The following NRG1 variants were observed in gnomAD, a reference collection of about 807,000 sequenced individuals.
The protein encoded by NRG1 is pro-neuregulin-1, membrane-bound isoform.
A neutral mutation model predicts 63.8 loss-of-function variants in NRG1; 18 were observed. The observed-to-expected ratio is 0.28, with a 90% CI of 0.19 to 0.42. NRG1 has a LOEUF of 0.42. NRG1 is among the 10% of genes least tolerant of loss of function. The pLI, the probability that NRG1 is intolerant of heterozygous loss-of-function variation, is 1.00. For missense variants in NRG1, 762 were observed against 814.7 expected (o/e 0.94, Z 0.79); for synonymous variants, 302 against 301.3 (o/e 1.00, Z -0.02).
chr8:32,058,866 ACTT>A (rs1013765275), intron 1 of NRG1, among the ~76,000 whole-genome samples: 5 of 151,918 alleles, frequency 3.3e-5, no homozygotes, highest in Non-Finnish European at 5.9e-5. Flanking sequence ...GCTTTCCCCA[ACTT>A]CTTCTCACTC....
rs1828380650 is a variant in NRG1, at chr8:32,505,241, T to C, written c.38-90587T>C. ...ATTTTTGATGGGTGTGAATTTTAAG[T>C]TCTTGTCTAAATCTAATTTATGCTT... On this transcript the variant is annotated intron_variant, in intron 1 of 10. Transcript: ENST00000519301. Among the ~76,000 whole-genome samples, 3 of 152,146 alleles carry C rather than the reference T, an allele frequency of 2.0e-5. No individual in the cohort carries two copies. In the South Asian group the frequency reaches 6.2e-4, roughly 32 times the overall value.
At chr8:32,048,703 C>T (rs547835816) in intron 1 of NRG1, among the ~76,000 whole-genome samples, 16 of 151,690 alleles carry the variant, frequency 1.1e-4, no homozygotes, top group African/African-American at 3.6e-4. Flanking sequence ...CGTTAATTTG[C>T]GTTTATCCAG....
chr8:32,069,062 A>G (rs1264706371), intron 1 of NRG1, among the ~76,000 whole-genome samples: 1 of 152,196 alleles, frequency 6.6e-6, no homozygotes, highest in African/African-American at 2.4e-5. Flanking sequence ...TGGGAAGGAA[A>G]GCAGAATGGC....
At chr8:32,056,046 C>G (rs1563733299) in intron 1 of NRG1, among the ~76,000 whole-genome samples, 1 of 152,118 alleles carries the variant, frequency 6.6e-6, no homozygotes, top group African/African-American at 2.4e-5. Flanking sequence ...CAACAATTCA[C>G]AGACTCCTCT....
At chr8:32,452,318 G>A (rs1384517272) in intron 1 of NRG1, among the ~76,000 whole-genome samples, 1 of 152,134 alleles carries the variant, frequency 6.6e-6, no homozygotes, top group African/African-American at 2.4e-5. Flanking sequence ...AAGAGGGAGT[G>A]TTTTGGACTG....
intron 1 of NRG1, among the ~76,000 whole-genome samples, chr8:31,828,686 G>A (rs1019898485): frequency 1.3e-5 from 2 of 152,106 alleles, no homozygotes; most frequent in African/African-American, 2.4e-5. Flanking sequence ...CATCCCCTAC[G>A]TTATATACCC....
At chr8:32,654,561 G>A (rs912007412) in intron 5 of NRG1, among the ~76,000 whole-genome samples, 5 of 152,058 alleles carry the variant, frequency 3.3e-5, no homozygotes, top group East Asian at 1.9e-4. Context: ...CCTGGGAGGC[G>A]GAGGTTGCAG....
At chr8:31,720,296 A>G (rs1249745866) in intron 1 of NRG1, among the ~76,000 whole-genome samples, 1 of 152,122 alleles carries the variant, frequency 6.6e-6, no homozygotes, top group African/African-American at 2.4e-5. Flanking sequence ...AGATATGTGT[A>G]TGATTAATTG....
chr8:31,884,100 G>A (rs1256572337), intron 1 of NRG1, among the ~76,000 whole-genome samples: 1 of 151,998 alleles, frequency 6.6e-6, no homozygotes, highest in Non-Finnish European at 1.5e-5. Context: ...TGCCCCCAAT[G>A]AATTTTTACA....
chr8:32,675,734 T>C (rs1415911570), intron 5 of NRG1, among the ~76,000 whole-genome samples: 2 of 152,158 alleles, frequency 1.3e-5, no homozygotes, highest in African/African-American at 4.8e-5. Context: ...AGGGGGATTG[T>C]TAGGAAGAGG....
intron 1 of NRG1, among the ~76,000 whole-genome samples, chr8:32,458,375 C>T (rs1033129447): frequency 6.6e-6 from 1 of 152,104 alleles, no homozygotes; most frequent in Non-Finnish European, 1.5e-5. Flanking sequence ...ATGTTCTGGC[C>T]ATTTTTCTCT....
At chr8:32,618,858 C>T (rs972139683) in intron 5 of NRG1, among the ~76,000 whole-genome samples, 3 of 151,984 alleles carry the variant, frequency 2.0e-5, no homozygotes, top group Non-Finnish European at 4.4e-5. Context: ...AGGTAAGTCT[C>T]ATTAAATTGT....
exon 12 of NRG1, chr8:32,764,366 T>C (rs1243002203): frequency 5.0e-6 from 8 of 1,609,218 alleles, no homozygotes; most frequent in Non-Finnish European, 5.9e-6. Flanking sequence ...CCAGGCTGTC[T>C]AGTGTAATTG....
intron 1 of NRG1, among the ~76,000 whole-genome samples, chr8:31,989,886 G>T (rs868431964): frequency 6.6e-6 from 1 of 152,086 alleles, no homozygotes; most frequent in Non-Finnish European, 1.5e-5. Context: ...GTTGGACTTT[G>T]TGCTTATGTG....
At chr8:32,730,308 C>G (rs952975099) in intron 6 of NRG1, among the ~76,000 whole-genome samples, 8 of 152,034 alleles carry the variant, frequency 5.3e-5, no homozygotes, top group African/African-American at 1.7e-4. Context: ...AAATAATTAG[C>G]CGGGCATGGT....
intron 1 of NRG1, among the ~76,000 whole-genome samples, chr8:32,209,432 C>T (rs1844427241): frequency 1.3e-5 from 2 of 151,976 alleles, no homozygotes; most frequent in Admixed American, 1.3e-4. Context: ...TGTATAGCTC[C>T]ATTTTACTAT....
At chr8:32,203,452 C>A (rs1339810771) in intron 1 of NRG1, among the ~76,000 whole-genome samples, 1 of 151,804 alleles carries the variant, frequency 6.6e-6, no homozygotes, top group Non-Finnish European at 1.5e-5. Flanking sequence ...TTGGCTCATG[C>A]AACCTCTGTC....
At chr8:32,111,264 C>T (rs1217547279) in intron 1 of NRG1, among the ~76,000 whole-genome samples, 1 of 151,976 alleles carries the variant, frequency 6.6e-6, no homozygotes, top group African/African-American at 2.4e-5. Context: ...TTACAGGGGC[C>T]CGCCAGAGTT....
At chr8:32,085,246 CAG>C (rs1173300073) in intron 1 of NRG1, among the ~76,000 whole-genome samples, 2 of 152,170 alleles carry the variant, frequency 1.3e-5, no homozygotes, top group East Asian at 3.9e-4. Flanking sequence ...GTCTGCTAGT[CAG>C]AGAGAATGTT....
Sources: gnomAD v4.1 joint callset for allele counts (sites outside exome capture counted in the v4.1 genomes callset) on GRCh38, gnomAD v4.1.1 for gene constraint, MANE v1.5 for transcripts, NCBI Gene and HGNC (gene_info 2026-07-23, HGNC 2026-07-21) for gene names.